Variants in PADI2 observed in about 807,000 individuals in gnomAD.
The protein encoded by PADI2 is protein-arginine deiminase type-2.
A neutral mutation model predicts 81.1 loss-of-function variants in PADI2; 70 were observed. The ratio of observed to expected loss-of-function variants is 0.86; its 90% CI spans 0.71 to 1.05. The LOEUF (loss-of-function observed/expected upper bound fraction) is 1.05, where lower values mean the gene tolerates loss of function less well. Among genes scored for constraint, PADI2 ranks in the 50% least tolerant of loss-of-function variants. PADI2 has a pLI of 0.00. For missense variants in PADI2, 853 were observed against 889.9 expected, an observed-to-expected ratio of 0.96 and a Z score of 0.53; for synonymous variants, 338 against 358.0, an observed-to-expected ratio of 0.94 and a Z score of 0.63.
chr1:17,113,761 C>A (rs1231501980), intron 1 of PADI2, among the ~76,000 whole-genome samples: 1 of 152,210 alleles, frequency 6.6e-6, no homozygotes, highest in Non-Finnish European at 1.5e-5. Flanking sequence ...AAGCCTGGGC[C>A]CATCAAAGCC....
At chr1:17,091,919 C>T (rs1930713030) in intron 6 of PADI2, among the ~76,000 whole-genome samples, 1 of 152,172 alleles carries the variant, frequency 6.6e-6, no homozygotes, top group Admixed American at 6.5e-5. Context: ...GCAGAGCCGG[C>T]AGCTACGAGG....
At chr1:17,080,781 G>A (rs2078338531) in intron 10 of PADI2, among the ~76,000 whole-genome samples, 1 of 152,158 alleles carries the variant, frequency 6.6e-6, no homozygotes, top group Non-Finnish European at 1.5e-5. Flanking sequence ...TACAAATATA[G>A]GAATCTTGTT....
chr1:17,093,797 G>A (rs1483575547), intron 4 of PADI2, 113 bp from the exon 5 acceptor site: 1 of 631,112 alleles, frequency 1.6e-6, no homozygotes, highest in African/African-American at 1.8e-5. Context: ...CCACCCACTG[G>A]GGCAGCTGTG....
At chr1:17,088,680 G>A (rs540108782) in intron 6 of PADI2, among the ~76,000 whole-genome samples, 4 of 152,068 alleles carry the variant, frequency 2.6e-5, no homozygotes, top group South Asian at 2.1e-4. Context: ...ATGCTGAGGC[G>A]GGCGAATCAC....
intron 4 of PADI2, among the ~76,000 whole-genome samples, chr1:17,094,558 C>T (rs1370751764): frequency 6.6e-6 from 1 of 152,240 alleles, no homozygotes; most frequent in Non-Finnish European, 1.5e-5. Context: ...TGTGATGACA[C>T]AGCTATCCGA....
Position 17,074,930 on chromosome 1 carries a change from G to A in PADI2, c.1475C>T (p.Ala492Val). The change falls in exon 13 of 16, where the codon GCC becomes GTC. Residue 492 changes from alanine (A) to valine (V), a missense_variant. Transcript: ENST00000375486. ...GAGCTTGTAGCAGGCCGAGGTGCTGGCCATGAGTAGCAGGAATTTCTGCAA... is the reference window on the plus strand; with the variant it reads ...GAGCTTGTAGCAGGCCGAGGTGCTGACCATGAGTAGCAGGAATTTCTGCAA... ...PGTKKFLLLM[A>V]STSACYKLFR... 1 of 1,612,138 alleles carries A rather than the reference G, an allele frequency of 6.2e-7. No individual in the cohort carries two copies. Among genetic ancestry groups the A allele is most frequent in the South Asian group, 1.1e-5 (1 of 90,830 alleles).
At chr1:17,110,159 T>A (rs1449313375) in intron 1 of PADI2, among the ~76,000 whole-genome samples, 1 of 152,048 alleles carries the variant, frequency 6.6e-6, no homozygotes. Flanking sequence ...CCCTTTAGAA[T>A]CTCTCTCGCA....
Position 17,068,121 on chromosome 1 carries a change from CT to C in PADI2, c.*922del, listed in dbSNP as rs1255548765. ...TGCCCCTGGGAAGGCCTGAATCTGG[CT>C]GCTGGCGAACAAGTTCTTGTCTAGC... On this transcript the variant is annotated 3_prime_UTR_variant, in exon 16 of 16. Transcript: ENST00000375486. 6.5e-6 allele frequency: 1 copy of C among 152,696 alleles called. No individual in the cohort carries two copies. The highest frequency in any genetic ancestry group is 1.5e-5 in the Non-Finnish European group (1 of 68,120). The allele number at this position is 152,696 out of a possible 1,614,324, so 9.5% of individuals were successfully genotyped here.
intron 7 of PADI2, 66 bp downstream of exon 7, chr1:17,086,455 C>T: frequency 7.3e-7 from 1 of 1,360,572 alleles, no homozygotes; most frequent in Non-Finnish European, 1.0e-6. Flanking sequence ...AGGAATGGCC[C>T]ACTAGTAGGA....
At chr1:17,087,691 A>G (rs1440532033) in intron 6 of PADI2, among the ~76,000 whole-genome samples, 1 of 152,058 alleles carries the variant, frequency 6.6e-6, no homozygotes, top group African/African-American at 2.4e-5. Flanking sequence ...TAGCAGAGAC[A>G]GGGTTTCATC....
At chr1:17,098,012 G>A (rs935669265) in intron 3 of PADI2, among the ~76,000 whole-genome samples, 4 of 152,074 alleles carry the variant, frequency 2.6e-5, no homozygotes, top group Non-Finnish European at 5.9e-5. Flanking sequence ...GTGTTCTCTC[G>A]GCCACTCCAG....
intron 5 of PADI2, among the ~76,000 whole-genome samples, chr1:17,092,968 A>G (rs1038226646): frequency 6.6e-6 from 1 of 151,848 alleles, no homozygotes; most frequent in African/African-American, 2.4e-5. Flanking sequence ...AAAAAAGAAA[A>G]AAAAAGAAAA....
intron 11 of PADI2, among the ~76,000 whole-genome samples, chr1:17,078,290 T>C (rs545771306): frequency 1.3e-5 from 2 of 152,020 alleles, no homozygotes; most frequent in Non-Finnish European, 2.9e-5. Context: ...TTTGTATTTT[T>C]AGTAGAGACG....
At chr1:17,071,513 G>A in intron 13 of PADI2, 22 bp from the exon 14 acceptor site, 1 of 1,591,792 alleles carries the variant, frequency 6.3e-7, no homozygotes, top group South Asian at 1.1e-5. Context: ...AAAGGACAGG[G>A]GATGGTCAAG....
At chr1:17,104,561 A>G (rs564099683) in intron 2 of PADI2, among the ~76,000 whole-genome samples, 2 of 146,292 alleles carry the variant, frequency 1.4e-5, no homozygotes, top group African/African-American at 2.5e-5. Context: ...CAGCCTCCCA[A>G]GTAGCTGGGT....
chr1:17,070,105 C>A lies in PADI2; in HGVS notation c.1747G>T (p.Ala583Ser). The A allele has an allele frequency of 6.2e-7, 1 of 1,614,004 alleles. No homozygotes were observed. Among genetic ancestry groups the A allele is most frequent in the Non-Finnish European group, 8.5e-7 (1 of 1,179,902 alleles). ...GGCCTCACCATGTTTGGGAAGAAGG[C>A]TCTGGCACGGTGGTCCTCGTCCATC... is the stretch of plus-strand genomic sequence containing the variant. Reference protein sequence around the residue: ...FKMDEDHRARAFFPNMVNMIV... With the variant: ...FKMDEDHRARSFFPNMVNMIV... Residue 583 changes from alanine (A) to serine (S), a missense_variant, in exon 15 of 16, where the codon GCC becomes TCC. Coordinates refer to ENST00000375486, the MANE Select transcript of PADI2 (RefSeq NM_007365.3).
intron 5 of PADI2, among the ~76,000 whole-genome samples, chr1:17,092,910 C>A (rs1930753167): frequency 6.9e-6 from 1 of 144,162 alleles, no homozygotes; most frequent in Non-Finnish European, 1.5e-5. Context: ...GATCATGCCA[C>A]TGCACTCCAG....
At chr1:17,096,055 G>A (rs1930915953) in intron 3 of PADI2, 85 bp from the exon 4 acceptor site, 2 of 1,006,438 alleles carry the variant, frequency 2.0e-6, no homozygotes, top group South Asian at 3.0e-5. Flanking sequence ...GGATTTGGGT[G>A]CGTCTCAGCC....
chr1:17,112,684 A>G (rs1182915233), intron 1 of PADI2, among the ~76,000 whole-genome samples: 1 of 152,148 alleles, frequency 6.6e-6, no homozygotes, highest in African/African-American at 2.4e-5. Context: ...CTGAACAGGG[A>G]TCAGTGGAGG....
Sources: gnomAD v4.1 joint callset for allele counts (sites outside exome capture counted in the v4.1 genomes callset) on GRCh38, gnomAD v4.1.1 for gene constraint, MANE v1.5 for transcripts, NCBI Gene and HGNC (gene_info 2026-07-23, HGNC 2026-07-21) for gene names.